TRABD2B: variants seen among roughly 807,000 people sequenced by gnomAD.
TRABD2B encodes the protein TraB domain containing 2B.
In TRABD2B, 14 loss-of-function variants were observed where a neutral mutation model predicts 40.1. The ratio of observed to expected loss-of-function variants is 0.35; its 90% CI spans 0.23 to 0.55. The LOEUF (loss-of-function observed/expected upper bound fraction) is 0.55. Ranked by LOEUF, TRABD2B falls within the 20% of genes least tolerant of loss-of-function variation. The pLI is 0.90. For synonymous variants in TRABD2B, 263 were observed against 277.0 expected, an observed-to-expected ratio of 0.95 and a Z score of 0.50; for missense variants, 541 against 648.6, an observed-to-expected ratio of 0.83 and a Z score of 1.80.
intron 2 of TRABD2B, among the ~76,000 whole-genome samples, chr1:47,939,140 C>A (rs574479221): frequency 6.6e-6 from 1 of 152,106 alleles, no homozygotes; most frequent in East Asian, 1.9e-4. Context: ...CCAACCCCCC[C>A]ACCCCCAGGA....
intron 2 of TRABD2B, among the ~76,000 whole-genome samples, chr1:47,932,307 C>G (rs1019484809): frequency 3.9e-5 from 6 of 152,126 alleles, no homozygotes; most frequent in Non-Finnish European, 7.3e-5. Flanking sequence ...ACAGAAGGTG[C>G]ACCAAGGAGA....
At chr1:47,944,172 A>G (rs1223165291) in intron 2 of TRABD2B, among the ~76,000 whole-genome samples, 1 of 152,198 alleles carries the variant, frequency 6.6e-6, no homozygotes, top group Non-Finnish European at 1.5e-5. Context: ...TGGAGGGGCC[A>G]CAGAACATGA....
intron 2 of TRABD2B, among the ~76,000 whole-genome samples, chr1:47,873,813 A>G (rs1052324785): frequency 6.6e-6 from 1 of 152,254 alleles, no homozygotes; most frequent in African/African-American, 2.4e-5. Flanking sequence ...ATGAATTAAT[A>G]CAAAGGACTA....
chr1:47,812,836 G>T (rs1267401017), intron 2 of TRABD2B, among the ~76,000 whole-genome samples: 1 of 152,170 alleles, frequency 6.6e-6, no homozygotes, highest in African/African-American at 2.4e-5. Flanking sequence ...CAGTAGTGGA[G>T]GGTCTTCAAT....
At chr1:47,873,793 C>G (rs1644178841) in intron 2 of TRABD2B, among the ~76,000 whole-genome samples, 1 of 152,178 alleles carries the variant, frequency 6.6e-6, no homozygotes, top group Admixed American at 6.5e-5. Flanking sequence ...TTTACTATGT[C>G]AGAATCTGCA....
intron 2 of TRABD2B, among the ~76,000 whole-genome samples, chr1:47,964,223 C>T (rs1645564463): frequency 6.6e-6 from 1 of 152,184 alleles, no homozygotes; most frequent in African/African-American, 2.4e-5. Context: ...GTTACGGTCA[C>T]ATTACACACT....
Position 47,765,854 on chromosome 1 carries a change from A to C in TRABD2B, c.*48T>G. ...TGGCAGGAGCAGTTGGGTGTGGCCG[A>C]AGACCCCTGTGTCATTTCTCTGGCT... On this transcript the variant is annotated 3_prime_UTR_variant, in exon 7 of 7. Coordinates refer to ENST00000606738, the MANE Select transcript of TRABD2B (RefSeq NM_001194986.2). 1 of 702,832 alleles carries C rather than the reference A, an allele frequency of 1.4e-6. No homozygotes were observed. The highest frequency in any genetic ancestry group is 2.6e-6 in the Non-Finnish European group (1 of 384,916). The allele number at this position is 702,832 out of a possible 1,614,324, so 43.5% of individuals were successfully genotyped here. A position where few individuals can be genotyped will look rare whatever the true frequency, so the allele number is the denominator to read the frequency against.
chr1:47,832,758 A>G (rs1336198987), intron 2 of TRABD2B, among the ~76,000 whole-genome samples: 1 of 152,066 alleles, frequency 6.6e-6, no homozygotes, highest in Non-Finnish European at 1.5e-5. Context: ...TGTTCTTTTT[A>G]TATTTGGTGT....
intron 2 of TRABD2B, among the ~76,000 whole-genome samples, chr1:47,831,106 G>A (rs1645242210): frequency 6.6e-6 from 1 of 152,062 alleles, no homozygotes; most frequent in South Asian, 2.1e-4. Flanking sequence ...AGTATAGGCA[G>A]CTACGTGTGC....
chr1:47,987,630 G>C (rs890281366), intron 2 of TRABD2B, among the ~76,000 whole-genome samples: 1 of 152,162 alleles, frequency 6.6e-6, no homozygotes, highest in African/African-American at 2.4e-5. Flanking sequence ...ATTAAGACAC[G>C]AATGAACCAG....
chr1:47,934,040 T>A (rs953926275), intron 2 of TRABD2B, among the ~76,000 whole-genome samples: 1 of 152,218 alleles, frequency 6.6e-6, no homozygotes, highest in African/African-American at 2.4e-5. Context: ...AAAGAAGGGG[T>A]TGGGGAAAAG....
intron 2 of TRABD2B, among the ~76,000 whole-genome samples, chr1:47,884,952 A>T (rs1001955897): frequency 1.3e-5 from 2 of 152,006 alleles, no homozygotes; most frequent in African/African-American, 4.8e-5. Flanking sequence ...TTATCATGGC[A>T]CTCTGCCTCC....
rs186030980 is a variant in TRABD2B at position 47,963,159 on chromosome 1, T to C, written c.666+30875A>G. On this transcript the variant is annotated intron_variant, in intron 2 of 6. Transcript: ENST00000606738. ...CACACATACGAATTTATCTGATGGA[T>C]CGTCTCCCAAAGACAGATTAACATA... 4.2e-4 allele frequency among the ~76,000 whole-genome samples: 64 copies of C among 152,340 alleles called. 1 individual carries two copies. The highest frequency in any genetic ancestry group is 1.2e-3 in the South Asian group (6 of 4,832).
chr1:47,899,338 G>T (rs1644567147), intron 2 of TRABD2B, among the ~76,000 whole-genome samples: 1 of 152,190 alleles, frequency 6.6e-6, no homozygotes, highest in Non-Finnish European at 1.5e-5. Context: ...TGGAGGAGTG[G>T]GCCACCCAGA....
intron 2 of TRABD2B, among the ~76,000 whole-genome samples, chr1:47,892,811 C>T (rs1371374837): frequency 5.3e-5 from 8 of 152,192 alleles, no homozygotes; most frequent in Non-Finnish European, 1.2e-4. Context: ...AAGCCATCAT[C>T]GGAATTCAGG....
chr1:47,820,891 C>T (rs12134443), intron 2 of TRABD2B, among the ~76,000 whole-genome samples: 35,490 of 151,844 alleles, frequency 0.23, 4,701 homozygotes, highest in South Asian at 0.47. Flanking sequence ...AATAAGACTA[C>T]GGCTCAGAGA....
rs769593618 is a variant in TRABD2B, at chr1:47,813,629, G to C, written c.667-12010C>G. On this transcript the variant is annotated intron_variant, in intron 2 of 6. Coordinates refer to ENST00000606738, the MANE Select transcript of TRABD2B (RefSeq NM_001194986.2). The surrounding 1 kb of genome is among the most constrained non-coding windows in gnomAD (Gnocchi z 4.3). ...GCCAAGTGGGGTGTATATTTGTCCT[G>C]CCTGCTTGAGACTAGCATTCTAAAA... Among the ~76,000 whole-genome samples, 1 of 152,108 alleles carries C rather than the reference G, an allele frequency of 6.6e-6. No homozygotes were observed. The highest frequency in any genetic ancestry group is 1.5e-5 in the Non-Finnish European group (1 of 68,024).
chr1:47,925,452 G>C (rs2124747612), intron 2 of TRABD2B, among the ~76,000 whole-genome samples: 1 of 151,940 alleles, frequency 6.6e-6, no homozygotes, highest in South Asian at 2.1e-4. Flanking sequence ...AAAGAAATGG[G>C]AAAAAAAATC....
chr1:47,891,824 A>AC (rs1644449276), intron 2 of TRABD2B, among the ~76,000 whole-genome samples: 1 of 151,708 alleles, frequency 6.6e-6, no homozygotes, highest in South Asian at 2.1e-4. Context: ...ACAAAACAAA[A>AC]CAACAACAAC....
Sources: allele counts gnomAD v4.1 joint callset (sites outside exome capture counted in the v4.1 genomes callset), GRCh38; gene constraint gnomAD v4.1.1; non-coding constraint Gnocchi (gnomAD v3.1); transcripts MANE v1.5; gene names NCBI Gene and HGNC (gene_info 2026-07-23, HGNC 2026-07-21).